The following OR56A3 variants were observed in gnomAD, a reference collection of about 807,000 sequenced individuals.
OR56A3 encodes olfactory receptor 56A3.
A neutral mutation model predicts 17.5 loss-of-function variants in OR56A3; 23 were observed. That is an observed-to-expected ratio of 1.32 (90% CI 0.95 to 1.87). The LOEUF is 1.87. OR56A3 is among the 40% of genes most tolerant of loss of function. The probability of loss-of-function intolerance (pLI) is 0.00; values close to 1 mark genes in which losing one functional copy is unlikely to be tolerated. For synonymous variants in OR56A3, 175 were observed against 150.6 expected (o/e 1.16, Z -1.19); for missense variants, 366 against 380.1 (o/e 0.96, Z 0.31).
chr11:5,945,814 C>T (rs1417004891), intron 2 of OR56A3, among the ~76,000 whole-genome samples: 1 of 152,086 alleles, frequency 6.6e-6, no homozygotes, highest in Admixed American at 6.5e-5. Flanking sequence ...GCACAGTTCC[C>T]AGCAAGTAGA....
the OR56A3 span, among the ~76,000 whole-genome samples, chr11:6,009,612 G>T: frequency 6.6e-6 from 1 of 152,210 alleles, no homozygotes; most frequent in African/African-American, 2.4e-5. Context: ...GATGTCTATT[G>T]CTGTTAAGAA....
At chr11:5,962,055 G>A in the OR56A3 span, among the ~76,000 whole-genome samples, 1 of 151,878 alleles carries the variant, frequency 6.6e-6, no homozygotes, top group Non-Finnish European at 1.5e-5. Flanking sequence ...ATTATGTTGA[G>A]GTAAACTTCT....
At chr11:5,996,903 C>A in the OR56A3 span, among the ~76,000 whole-genome samples, 1 of 152,140 alleles carries the variant, frequency 6.6e-6, no homozygotes, top group Non-Finnish European at 1.5e-5. Flanking sequence ...GGTTTTCTGT[C>A]CCAGACAGAG....
downstream of OR56A3, among the ~76,000 whole-genome samples, chr11:5,954,447 G>A (rs1414793177): frequency 6.6e-6 from 1 of 152,152 alleles, no homozygotes; most frequent in Non-Finnish European, 1.5e-5. Flanking sequence ...GTCCTGGGGA[G>A]TTAAAGTGTG....
chr11:5,962,721 G>C, the OR56A3 span, among the ~76,000 whole-genome samples: 1 of 151,950 alleles, frequency 6.6e-6, no homozygotes, highest in African/African-American at 2.4e-5. Flanking sequence ...TGTATTTTTA[G>C]TAGAGATGGG....
chr11:5,965,307 G>C, the OR56A3 span, among the ~76,000 whole-genome samples: 11 of 152,066 alleles, frequency 7.2e-5, no homozygotes, highest in Non-Finnish European at 1.3e-4. Flanking sequence ...AAATAGTAAG[G>C]GGATAATTAA....
chr11:6,007,032 G>C, the OR56A3 span: 1 of 152,242 alleles, frequency 6.6e-6, no homozygotes, highest in African/African-American at 2.4e-5. Flanking sequence ...ACTCACAAGA[G>C]TTAGTGCCAT....
At chr11:5,972,242 T>C in the OR56A3 span, among the ~76,000 whole-genome samples, 1 of 152,204 alleles carries the variant, frequency 6.6e-6, no homozygotes. Context: ...CATGGGTCCC[T>C]TGTATGCAAT....
At chr11:5,971,456 G>C in the OR56A3 span, among the ~76,000 whole-genome samples, 1 of 152,088 alleles carries the variant, frequency 6.6e-6, no homozygotes, top group South Asian at 2.1e-4. Flanking sequence ...CCCAGACTCT[G>C]ATCCATCCTC....
chr11:5,974,668 G>A, the OR56A3 span, among the ~76,000 whole-genome samples: 2 of 151,866 alleles, frequency 1.3e-5, no homozygotes, highest in Admixed American at 1.3e-4. Context: ...GCAGGTGGAG[G>A]ACAAGGACCT....
the OR56A3 span, chr11:5,999,894 G>C: frequency 6.6e-6 from 1 of 152,198 alleles, no homozygotes; most frequent in African/African-American, 2.4e-5. Context: ...GATTCCAGTC[G>C]GGAGGATCAG....
chr11:5,977,764 T>C, the OR56A3 span, among the ~76,000 whole-genome samples: 3 of 152,198 alleles, frequency 2.0e-5, no homozygotes, highest in Admixed American at 6.5e-5. Context: ...ACTTTTGGAG[T>C]CTTCATCATA....
Position 5,950,943 on chromosome 11 carries a change from A to G in OR56A3, c.*2649A>G, listed in dbSNP as rs935839422. The G allele has an allele frequency of 6.6e-6, 1 of 152,132 alleles. No individual in the cohort carries two copies. The highest frequency in any genetic ancestry group is 1.5e-5 in the Non-Finnish European group (1 of 67,984). 9.4% of individuals were successfully genotyped at this position (152,132 alleles called of 1,614,324 possible). A position where few individuals can be genotyped will look rare whatever the true frequency, so the allele number is the denominator to read the frequency against. ...AAAATATGTATTCTTCTTGAAATAC[A>G]TCTTATAATACAGTTATATTTATAT... On this transcript the variant is annotated 3_prime_UTR_variant, in exon 3 of 3. Coordinates refer to ENST00000641160, the MANE Select transcript of OR56A3 (RefSeq NM_001003443.3).
At chr11:5,986,890 A>G in the OR56A3 span, 1 of 1,613,790 alleles carries the variant, frequency 6.2e-7, no homozygotes, top group Non-Finnish European at 8.5e-7. Flanking sequence ...GAGCATTATC[A>G]ATGGCTTGGA....
the OR56A3 span, among the ~76,000 whole-genome samples, chr11:5,965,543 G>A: frequency 6.6e-6 from 1 of 152,038 alleles, no homozygotes; most frequent in African/African-American, 2.4e-5. Flanking sequence ...TTAATAATTT[G>A]ATTCTTTCCC....
At chr11:5,955,811 A>G (rs2134368829), downstream of OR56A3, among the ~76,000 whole-genome samples, 1 of 152,290 alleles carries the variant, frequency 6.6e-6, no homozygotes, top group Non-Finnish European at 1.5e-5. Flanking sequence ...AATAAGCTCT[A>G]GTCTTGTTAT....
the OR56A3 span, among the ~76,000 whole-genome samples, chr11:5,984,004 A>AT: frequency 2.0e-5 from 3 of 152,186 alleles, no homozygotes; most frequent in African/African-American, 4.8e-5. Flanking sequence ...CATTTATGAG[A>AT]TTTTGCGATG....
the OR56A3 span, among the ~76,000 whole-genome samples, chr11:5,964,230 C>A: frequency 6.6e-6 from 1 of 152,162 alleles, no homozygotes; most frequent in African/African-American, 2.4e-5. Flanking sequence ...TCTTCAGGGG[C>A]AATTGCTGGC....
At chr11:5,994,886 G>A in the OR56A3 span, 36 of 758,820 alleles carry the variant, frequency 4.7e-5, 1 homozygote, top group Non-Finnish European at 6.9e-5. Context: ...CGGGTAGGAG[G>A]CCAGGCAGTC....
Sources: allele counts gnomAD v4.1 joint callset (sites outside exome capture counted in the v4.1 genomes callset), GRCh38; gene constraint gnomAD v4.1.1; transcripts MANE v1.5; gene names NCBI Gene and HGNC (gene_info 2026-07-23, HGNC 2026-07-21).